TAOK3: variants seen among roughly 807,000 people sequenced by gnomAD.
TAOK3 encodes the protein serine/threonine-protein kinase TAO3.
A neutral mutation model predicts 120.4 loss-of-function variants in TAOK3; 40 were observed. That is an observed-to-expected ratio of 0.33 (90% CI 0.26 to 0.43). The LOEUF is 0.43. Among genes scored for constraint, TAOK3 ranks in the 20% least tolerant of loss-of-function variants. The pLI is 1.00. For missense variants in TAOK3, 821 were observed against 1,112.1 expected (o/e 0.74, Z 3.72); for synonymous variants, 355 against 387.5 (o/e 0.92, Z 0.99).
chr12:118,189,886 C>CGCG lies in TAOK3; in HGVS notation c.1247_1249dup (p.Pro416dup). 6 of 1,614,164 alleles carry CGCG rather than the reference C, an allele frequency of 3.7e-6. No individual in the cohort carries two copies. The highest frequency in any genetic ancestry group is 5.1e-6 in the Non-Finnish European group (6 of 1,180,028). ...CTGGCTCTGAACTGACTGGGTAGGC[C>CGCG]GCGGCTCAGGCCTGGGATCGCCGTG... On this transcript the variant is annotated inframe_insertion, in exon 14 of 21. Transcript: ENST00000392533.
chr12:118,237,781 C>T (rs1218665261), intron 7 of TAOK3, among the ~76,000 whole-genome samples: 1 of 152,122 alleles, frequency 6.6e-6, no homozygotes, highest in Non-Finnish European at 1.5e-5. Flanking sequence ...TTCTTTTCTT[C>T]ATGACACAGT....
intron 1 of TAOK3, among the ~76,000 whole-genome samples, chr12:118,317,210 C>T (rs1450656703): frequency 1.4e-5 from 2 of 147,198 alleles, no homozygotes; most frequent in Non-Finnish European, 3.0e-5. Flanking sequence ...TTGCAGTGAG[C>T]CGAGATTATT....
chr12:118,309,127 G>A (rs1476261213), intron 1 of TAOK3, among the ~76,000 whole-genome samples: 1 of 151,640 alleles, frequency 6.6e-6, no homozygotes, highest in Non-Finnish European at 1.5e-5. Flanking sequence ...TCAGGAGTTC[G>A]AGACCAGCCT....
chr12:118,334,153 A>G (rs930820260), intron 1 of TAOK3, among the ~76,000 whole-genome samples: 9 of 150,874 alleles, frequency 6.0e-5, no homozygotes, highest in African/African-American at 1.9e-4. Context: ...AAAAAAAAAA[A>G]AAAGAAAAAA....
At chr12:118,184,784 C>A (rs1225972416) in intron 14 of TAOK3, among the ~76,000 whole-genome samples, 2 of 152,186 alleles carry the variant, frequency 1.3e-5, no homozygotes, top group East Asian at 1.9e-4. Context: ...TTGCTCTACC[C>A]AGTGGATTGT....
chr12:118,180,355 C>T (rs535807647), intron 15 of TAOK3, among the ~76,000 whole-genome samples: 119 of 152,172 alleles, frequency 7.8e-4, no homozygotes, highest in Middle Eastern at 3.4e-3. Context: ...ATCTTCCTGC[C>T]TCAGCCTCCC....
intron 9 of TAOK3, among the ~76,000 whole-genome samples, chr12:118,229,527 C>A (rs2039665870): frequency 6.6e-6 from 1 of 152,160 alleles, no homozygotes; most frequent in Non-Finnish European, 1.5e-5. Context: ...TTGTGCTTTA[C>A]ATGGTTTTAT....
intron 11 of TAOK3, 114 bp from the exon 12 acceptor site, chr12:118,201,577 A>G (rs2038027576): frequency 7.0e-6 from 6 of 855,174 alleles, no homozygotes; most frequent in Non-Finnish European, 9.8e-6. Context: ...ATATTACAGA[A>G]ATAACAAAAT....
intron 1 of TAOK3, among the ~76,000 whole-genome samples, chr12:118,325,445 A>G: frequency 6.6e-6 from 1 of 152,128 alleles, no homozygotes; most frequent in Non-Finnish European, 1.5e-5. Context: ...ATCTCATTGT[A>G]GTTTTGATCT....
intron 1 of TAOK3, among the ~76,000 whole-genome samples, chr12:118,354,073 G>A (rs1007296778): frequency 5.9e-5 from 9 of 152,092 alleles, no homozygotes; most frequent in Admixed American, 1.3e-4. Flanking sequence ...TTGTGAGAAC[G>A]GAAAACATTC....
At chr12:118,276,783 T>G (rs541910121) in intron 1 of TAOK3, among the ~76,000 whole-genome samples, 1 of 151,808 alleles carries the variant, frequency 6.6e-6, no homozygotes, top group Non-Finnish European at 1.5e-5. Context: ...GGCGGGTGGA[T>G]CACCTGAGGT....
intron 3 of TAOK3, chr12:118,247,044 G>A (rs2140056211): frequency 3.0e-6 from 2 of 665,716 alleles, no homozygotes; most frequent in Non-Finnish European, 4.9e-6. Flanking sequence ...ATATATATCA[G>A]TGATAATCCC....
At chr12:118,347,439 G>T (rs1317324705) in intron 1 of TAOK3, among the ~76,000 whole-genome samples, 2 of 152,086 alleles carry the variant, frequency 1.3e-5, no homozygotes, top group East Asian at 3.9e-4. Flanking sequence ...CATGCTCAAG[G>T]TATCATTTAT....
At chr12:118,258,272 C>T (rs143318268) in intron 2 of TAOK3, among the ~76,000 whole-genome samples, 6 of 152,184 alleles carry the variant, frequency 3.9e-5, no homozygotes, top group Non-Finnish European at 5.9e-5. Context: ...AGGATCCCTC[C>T]GCCAACAATG....
Position 118,172,735 on chromosome 12 carries a change from T to C in TAOK3, c.1696-75A>G, listed in dbSNP as rs2036081609. ...TGTAACAGCTTATTGCAACTGAAGA[T>C]TAAGTTATTTGGAAAGCCAATGCAG... On this transcript the variant is annotated intron_variant, in intron 16 of 20. Coordinates refer to ENST00000392533, the MANE Select transcript of TAOK3 (RefSeq NM_016281.4). The C allele has an allele frequency of 2.3e-6, 3 of 1,319,164 alleles. No individual in the cohort carries two copies. The South Asian group carries it at 3.6e-5, about 16-fold the overall frequency. The allele number at this position is 1,319,164 out of a possible 1,614,324, so 81.7% of individuals were successfully genotyped here.
intron 11 of TAOK3, among the ~76,000 whole-genome samples, chr12:118,211,691 CTA>C (rs1280264422): frequency 1.3e-5 from 2 of 150,822 alleles, no homozygotes; most frequent in Non-Finnish European, 2.9e-5. Context: ...TCATACCTCA[CTA>C]TAACCTCAAA....
At chr12:118,294,414 C>T (rs1056405385) in intron 1 of TAOK3, among the ~76,000 whole-genome samples, 1 of 151,586 alleles carries the variant, frequency 6.6e-6, no homozygotes, top group Non-Finnish European at 1.5e-5. Context: ...GATAGAGTCT[C>T]GCTCTGTGGC....
chr12:118,205,126 T>C (rs1193219524), intron 11 of TAOK3, among the ~76,000 whole-genome samples: 2 of 151,114 alleles, frequency 1.3e-5, no homozygotes, highest in Admixed American at 6.6e-5. Flanking sequence ...GCCGAGATCA[T>C]GCCACTGCAC....
At chr12:118,187,969 G>A (rs953363626) in intron 14 of TAOK3, among the ~76,000 whole-genome samples, 1 of 152,164 alleles carries the variant, frequency 6.6e-6, no homozygotes, top group East Asian at 1.9e-4. Context: ...TACACACAGA[G>A]TAGCCCTGGG....
Sources: allele counts gnomAD v4.1 joint callset (sites outside exome capture counted in the v4.1 genomes callset), GRCh38; gene constraint gnomAD v4.1.1; transcripts MANE v1.5; gene names NCBI Gene and HGNC (gene_info 2026-07-23, HGNC 2026-07-21).